Variants in XRN2 observed in about 807,000 individuals in gnomAD.
XRN2 encodes 5'-3' exoribonuclease 2, also known as DHM1-like protein.
A neutral mutation model predicts 138.5 loss-of-function variants in XRN2; 44 were observed. The ratio of observed to expected loss-of-function variants is 0.32; its 90% CI spans 0.25 to 0.41. The LOEUF is 0.41. Ranked by LOEUF, XRN2 falls within the 10% of genes least tolerant of loss-of-function variation. The pLI, the probability that XRN2 is intolerant of heterozygous loss-of-function variation, is 1.00. For missense variants in XRN2, 937 were observed against 1,169.3 expected, an observed-to-expected ratio of 0.80 and a Z score of 2.90; for synonymous variants, 354 against 369.4, an observed-to-expected ratio of 0.96 and a Z score of 0.48.
intron 24 of XRN2, among the ~76,000 whole-genome samples, chr20:21,362,239 C>A (rs1284271230): frequency 6.6e-6 from 1 of 152,110 alleles, no homozygotes; most frequent in Non-Finnish European, 1.5e-5. Flanking sequence ...AATTGGAAAA[C>A]AAATGGATTT....
At chr20:21,328,276 G>T (rs780834597) in intron 3 of XRN2, among the ~76,000 whole-genome samples, 1 of 152,180 alleles carries the variant, frequency 6.6e-6, no homozygotes, top group Non-Finnish European at 1.5e-5. Context: ...AGGGGAACTG[G>T]TGTTAGACTG....
At chr20:21,359,082 T>C (rs2038607747) in intron 24 of XRN2, among the ~76,000 whole-genome samples, 1 of 152,238 alleles carries the variant, frequency 6.6e-6, no homozygotes, top group South Asian at 2.1e-4. Flanking sequence ...TACTTAACTT[T>C]CTAATTAGGA....
intron 1 of XRN2, among the ~76,000 whole-genome samples, chr20:21,320,858 G>T (rs548142147): frequency 2.0e-5 from 3 of 152,104 alleles, no homozygotes; most frequent in South Asian, 4.2e-4. Context: ...AGTTTCTGAC[G>T]TCAGTGTTTG....
At chr20:21,312,327 T>G (rs1600669591) in intron 1 of XRN2, among the ~76,000 whole-genome samples, 1 of 152,292 alleles carries the variant, frequency 6.6e-6, no homozygotes, top group East Asian at 1.9e-4. Flanking sequence ...GGTTTCACCG[T>G]GTTAGCCAGG....
chr20:21,313,694 C>T (rs910270593), intron 1 of XRN2, among the ~76,000 whole-genome samples: 10 of 152,142 alleles, frequency 6.6e-5, no homozygotes, highest in Non-Finnish European at 1.2e-4. Context: ...GGTAATACTG[C>T]GTTGTAGTGT....
chr20:21,376,311 GC>G (rs1242683471), intron 27 of XRN2, among the ~76,000 whole-genome samples: 1 of 152,100 alleles, frequency 6.6e-6, no homozygotes. Context: ...AGCTATGATA[GC>G]CCACTGCCCT....
At chr20:21,323,442 C>T (rs989914785) in intron 1 of XRN2, among the ~76,000 whole-genome samples, 4 of 152,158 alleles carry the variant, frequency 2.6e-5, no homozygotes, top group African/African-American at 9.7e-5. Flanking sequence ...AGTGGCTCTC[C>T]TTTTAGCTGC....
intron 20 of XRN2, among the ~76,000 whole-genome samples, chr20:21,351,897 C>T (rs2038515054): frequency 6.6e-6 from 1 of 152,134 alleles, no homozygotes; most frequent in African/African-American, 2.4e-5. Context: ...TCTGGGCTGT[C>T]TATTCTAGTC....
chr20:21,330,398 T>C (rs577615082), intron 4 of XRN2, 83 bp from the exon 5 acceptor site: 17 of 1,444,084 alleles, frequency 1.2e-5, no homozygotes, highest in Middle Eastern at 2.4e-4. Context: ...AGTGGAACTT[T>C]TTGTTTTTGT....
chr20:21,324,050 A>G (rs142733198), intron 1 of XRN2, among the ~76,000 whole-genome samples: 244 of 152,242 alleles, frequency 1.6e-3, no homozygotes, highest in African/African-American at 5.6e-3. Context: ...TTTGGGGTGT[A>G]GAGGTTAGAT....
intron 12 of XRN2, 24 bp downstream of exon 12, chr20:21,334,018 C>A: frequency 6.2e-7 from 1 of 1,613,892 alleles, no homozygotes; most frequent in South Asian, 1.1e-5. Context: ...TGAATGATTT[C>A]AAAACAGAAG....
rs556364918 is a variant in XRN2, at chr20:21,348,263, A to G, written c.1773+10A>G. On this transcript the variant is annotated intron_variant, in intron 18 of 29. Coordinates refer to ENST00000377191, the MANE Select transcript of XRN2 (RefSeq NM_012255.5). The stretch of plus-strand genomic sequence containing the variant: ...GAAGGGTACGAAACCGGTAAGCTTA[A>G]TTACTTAAAGTCATAAAGTTTATAG... 1.2e-6 allele frequency: 2 copies of G among 1,613,244 alleles called. No individual in the cohort carries two copies. Among genetic ancestry groups the G allele is most frequent in the Admixed American group, 1.7e-5 (1 of 59,858 alleles).
rs757175975 is a variant in XRN2, at chr20:21,334,099, T to A, written c.1147T>A (p.Tyr383Asn). The A allele has an allele frequency of 1.2e-6, 2 of 1,614,016 alleles. No individual in the cohort carries two copies. The highest frequency in any genetic ancestry group is 2.2e-5 in the South Asian group (2 of 91,052). The part of the protein sequence containing the change: ...KTGGYLTESG[Y>N]VNLQRVQMIM... The stretch of plus-strand genomic sequence containing the variant: ...ACAGGGTTACCTTACAGAAAGTGGT[T>A]ATGTCAATCTGCAAAGAGTACAGAT... The change falls in exon 13 of 30, where the codon TAT (tyrosine) becomes AAT (asparagine). Residue 383 changes from tyrosine to asparagine, a missense_variant. Tyr to Asn is a moderately radical substitution (Grantham distance 143). Around this residue, in one of 6 missense-constraint regions of XRN2, gnomAD observed 471 missense variants for 581.2 expected, o/e 0.81. Coordinates refer to ENST00000377191, the MANE Select transcript of XRN2 (RefSeq NM_012255.5).
intron 27 of XRN2, among the ~76,000 whole-genome samples, chr20:21,378,230 C>T (rs749300596): frequency 1.3e-5 from 2 of 152,156 alleles, no homozygotes; most frequent in Non-Finnish European, 2.9e-5. Context: ...GTAATAATGT[C>T]GGTTGTAAAC....
rs542408934 is a variant in XRN2 at position 21,346,767 on chromosome 20, C to T, written c.1665+217C>T. ...CCTGAGTAGCTAGGATTACAGAGCG[C>T]ACCACCACACCCGGCTAATTTTTGT... On this transcript the variant is annotated intron_variant, in intron 17 of 29. Coordinates refer to ENST00000377191, the MANE Select transcript of XRN2 (RefSeq NM_012255.5). Among the ~76,000 whole-genome samples, 173 of 152,000 alleles carry T rather than the reference C, an allele frequency of 1.1e-3. 2 individuals carry two copies. Among genetic ancestry groups the T allele is most frequent in the Non-Finnish European group, 1.1e-3 (73 of 67,980 alleles).
At chr20:21,384,352 T>C (rs2038915753) in intron 28 of XRN2, among the ~76,000 whole-genome samples, 1 of 152,216 alleles carries the variant, frequency 6.6e-6, no homozygotes, top group Non-Finnish European at 1.5e-5. Context: ...GATTTTACCA[T>C]ATGCATACAT....
chr20:21,371,768 A>G (rs2038764993), intron 27 of XRN2, among the ~76,000 whole-genome samples: 1 of 152,238 alleles, frequency 6.6e-6, no homozygotes, highest in South Asian at 2.1e-4. Flanking sequence ...TTCCAATAAT[A>G]AGGGAAAGAA....
intron 13 of XRN2, among the ~76,000 whole-genome samples, chr20:21,338,379 A>G (rs1463359237): frequency 6.6e-6 from 1 of 152,168 alleles, no homozygotes; most frequent in African/African-American, 2.4e-5. Flanking sequence ...AGTAGGGGGA[A>G]AGAATCAACG....
At position 21,381,889 on chromosome 20, in the gene XRN2, GTCTT is replaced by G. The variant is rs2122360673; in HGVS notation, c.2585-101_2585-98del. On this transcript the variant is annotated intron_variant, in intron 27 of 29. Coordinates refer to ENST00000377191, the MANE Select transcript of XRN2 (RefSeq NM_012255.5). ...ATGATACTAGTTTATTTGGTTTACA[GTCTT>G]TCTCAGATTTTTTTCAAGAACTTTT... is the stretch of plus-strand genomic sequence containing the variant. 5 of 901,090 alleles carry G rather than the reference GTCTT, an allele frequency of 5.5e-6. No homozygotes were observed. The Admixed American group carries it at 1.3e-4, about 24-fold the overall frequency. 55.8% of individuals were successfully genotyped at this position (901,090 alleles called of 1,614,324 possible).
Sources: gnomAD v4.1 joint callset for allele counts (sites outside exome capture counted in the v4.1 genomes callset) on GRCh38, gnomAD v4.1.1 for gene constraint, gnomAD v4.1.1 regional missense constraint, MANE v1.5 for transcripts, NCBI Gene and HGNC (gene_info 2026-07-23, HGNC 2026-07-21) for gene names.